GRIN2D: variants seen among roughly 807,000 people sequenced by gnomAD.
The protein encoded by GRIN2D is glutamate ionotropic receptor NMDA type subunit 2D, also known as glutamate receptor ionotropic, NMDA 2D.
In GRIN2D, 37 loss-of-function variants were observed where a neutral mutation model predicts 103.2. The ratio of observed to expected loss-of-function variants is 0.36; its 90% CI spans 0.28 to 0.47. The LOEUF is 0.47. Ranked by LOEUF, GRIN2D falls within the 20% of genes least tolerant of loss-of-function variation. The probability of loss-of-function intolerance (pLI) is 1.00; values close to 1 mark genes in which losing one functional copy is unlikely to be tolerated. For synonymous variants in GRIN2D, 845 were observed against 885.6 expected (o/e 0.95, Z 0.81); for missense variants, 1,557 against 1,910.6 (o/e 0.81, Z 3.45).
chr19:48,443,509 C>G lies in GRIN2D; in HGVS notation c.3583C>G (p.Leu1195Val). 7.4e-7 allele frequency: 1 copy of G among 1,350,250 alleles called. No homozygotes were observed. Among genetic ancestry groups the G allele is most frequent in the Non-Finnish European group, 9.5e-7 (1 of 1,051,578 alleles). The allele number at this position is 1,350,250 out of a possible 1,614,324, so 83.6% of individuals were successfully genotyped here. Reference sequence around the variant, plus strand: ...GGAGCTGCTGCCGCCGCCGCGCCATCTCAGCTGCTCGCACGATGGCCTGGA... The same window carrying G: ...GGAGCTGCTGCCGCCGCCGCGCCATGTCAGCTGCTCGCACGATGGCCTGGA... ...SLELLPPPRH[L>V]SCSHDGLDGG... The change falls in exon 14 of 14, where the codon CTC becomes GTC. Residue 1195 changes from leucine (L) to valine (V), a missense_variant. By Grantham distance (32) the Leu-to-Val change is conservative. Coordinates refer to ENST00000263269, the MANE Select transcript of GRIN2D (RefSeq NM_000836.4). This position sits in a 1 kb window ranked among gnomAD's most constrained non-coding sequence, Gnocchi z 8.9.
Position 48,414,685 on chromosome 19 carries a change from C to G in GRIN2D, c.1412+101C>G. 3.1e-6 allele frequency: 4 copies of G among 1,280,128 alleles called. No homozygotes were observed. The highest frequency in any genetic ancestry group is 4.3e-6 in the Non-Finnish European group (4 of 921,392). 79.3% of individuals were successfully genotyped at this position (1,280,128 alleles called of 1,614,324 possible). A position where few individuals can be genotyped will look rare whatever the true frequency, so the allele number is the denominator to read the frequency against. ...CCCTCCTCCCTTGGGACCCAGGACC[C>G]ACAAAGCCCTCCAGCTTGGTGACCT... On this transcript the variant is annotated intron_variant, in intron 6 of 13. Transcript: ENST00000263269. The surrounding 1 kb of genome is among the most constrained non-coding windows in gnomAD (Gnocchi z 4.6).
At chr19:48,422,752 G>A (rs894650137) in intron 11 of GRIN2D, among the ~76,000 whole-genome samples, 2 of 152,130 alleles carry the variant, frequency 1.3e-5, no homozygotes, top group Non-Finnish European at 2.9e-5. Context: ...TGCTTAGATT[G>A]TGTTTCTTAT....
intron 11 of GRIN2D, among the ~76,000 whole-genome samples, chr19:48,422,791 G>A (rs890907786): frequency 6.6e-6 from 1 of 151,934 alleles, no homozygotes; most frequent in Non-Finnish European, 1.5e-5. Flanking sequence ...CAAATCATAG[G>A]GATGAAGTTA....
chr19:48,405,073 G>A lies in GRIN2D; in HGVS notation c.805G>A (p.Gly269Ser). ...AAEEAGLTGSGYVWFMVGPQL... is the reference protein window; with the variant it reads ...AAEEAGLTGSSYVWFMVGPQL... ...TGAGGAGGCTGGCCTCACTGGATCTGGCTACGTCTGGTTCATGGTGGGGCC... is the reference window on the plus strand; with the variant it reads ...TGAGGAGGCTGGCCTCACTGGATCTAGCTACGTCTGGTTCATGGTGGGGCC... The change falls in exon 4 of 14, where the codon GGC becomes AGC. Residue 269 changes from glycine (G) to serine (S), a missense_variant. Coordinates refer to ENST00000263269, the MANE Select transcript of GRIN2D (RefSeq NM_000836.4). The surrounding 1 kb of genome is among the most constrained non-coding windows in gnomAD (Gnocchi z 5.1). 3.1e-6 allele frequency: 5 copies of A among 1,602,488 alleles called. No individual in the cohort carries two copies. Among genetic ancestry groups the A allele is most frequent in the Non-Finnish European group, 4.3e-6 (5 of 1,174,090 alleles).
chr19:48,424,664 AT>A (rs1600985553), intron 11 of GRIN2D, among the ~76,000 whole-genome samples: 1 of 152,042 alleles, frequency 6.6e-6, no homozygotes, highest in East Asian at 1.9e-4. Context: ...CGTTTACATA[AT>A]TTTTTTCCCC....
At position 48,394,867 on chromosome 19, in the gene GRIN2D, G is replaced by T. The variant is rs1203102198; in HGVS notation, c.-96G>T. ...TCTCTGAGCCCTCCTCGGAATCTTGGGGTCGCTGGACGCCGGGTTCCGGTC... is the reference window on the plus strand; with the variant it reads ...TCTCTGAGCCCTCCTCGGAATCTTGTGGTCGCTGGACGCCGGGTTCCGGTC... On this transcript the variant is annotated 5_prime_UTR_variant, in exon 2 of 14. Transcript: ENST00000263269. This position sits in a 1 kb window ranked among gnomAD's most constrained non-coding sequence, Gnocchi z 5.1. 1.3e-5 allele frequency: 2 copies of T among 153,430 alleles called. No individual in the cohort carries two copies. Among genetic ancestry groups the T allele is most frequent in the South Asian group, 2.0e-4 (1 of 5,056 alleles). 9.5% of individuals were successfully genotyped at this position (153,430 alleles called of 1,614,324 possible).
rs1389026863 is a variant in GRIN2D at position 48,414,811 on chromosome 19, GA to G, written c.1413-52del. 1 of 1,581,598 alleles carries G rather than the reference GA, an allele frequency of 6.3e-7. No homozygotes were observed. The highest frequency in any genetic ancestry group is 8.6e-7 in the Non-Finnish European group (1 of 1,157,236). ...CTTCCTCCATATCCTCTCTTCATGAGAGAGTCTAAGGAGGGGGTCCCCAAAC... is the reference window on the plus strand; with the variant it reads ...CTTCCTCCATATCCTCTCTTCATGAGGAGTCTAAGGAGGGGGTCCCCAAAC... On this transcript the variant is annotated intron_variant, in intron 6 of 13. Transcript: ENST00000263269. The surrounding 1 kb of genome is among the most constrained non-coding windows in gnomAD (Gnocchi z 4.6).
At position 48,399,453 on chromosome 19, in the gene GRIN2D, A is replaced by C. The variant is rs1273018160; in HGVS notation, c.465+596A>C. ...CGTTGTGGCGGGCGCCTGTAATCCC[A>C]ACTACTCGGGAGGGTGAGGCAAGAG... On this transcript the variant is annotated intron_variant, in intron 3 of 13. Coordinates refer to ENST00000263269, the MANE Select transcript of GRIN2D (RefSeq NM_000836.4). 2.0e-5 allele frequency among the ~76,000 whole-genome samples: 3 copies of C among 152,182 alleles called. No homozygotes were observed. In the East Asian group the frequency reaches 5.8e-4, roughly 29 times the overall value.
At position 48,405,284 on chromosome 19, in the gene GRIN2D, G is replaced by T; in HGVS notation, c.1016G>T (p.Gly339Val). 1.2e-6 allele frequency: 2 copies of T among 1,601,616 alleles called. No homozygotes were observed. The highest frequency in any genetic ancestry group is 1.7e-6 in the Non-Finnish European group (2 of 1,178,018). The change falls in exon 4 of 14, where the codon GGT becomes GTT. Residue 339 changes from glycine to valine, a missense_variant. Physicochemically the swap from Gly to Val is moderately radical, Grantham distance 109. This residue lies in a region of GRIN2D where 490 missense variants were observed against 601.1 expected (regional missense o/e 0.82). Transcript: ENST00000263269. The surrounding 1 kb of genome is among the most constrained non-coding windows in gnomAD (Gnocchi z 5.1). ...RGAQALLRDY[G>V]FLPELGHDCR... ...GCCCAGGCCCTGCTGCGTGATTATG[G>T]TTTCCTTCCTGAGCTCGGCCACGAC...
chr19:48,398,937 G>T, intron 3 of GRIN2D, 80 bp downstream of exon 3: 2 of 1,214,842 alleles, frequency 1.6e-6, no homozygotes, highest in Non-Finnish European at 2.1e-6. Context: ...CAGCCAGCGG[G>T]GGCGGGGCCT....
chr19:48,399,678 G>A (rs573304554), intron 3 of GRIN2D, among the ~76,000 whole-genome samples: 228 of 152,340 alleles, frequency 1.5e-3, no homozygotes, highest in African/African-American at 4.2e-3. Context: ...GTTTGGGGAG[G>A]CGTTCGGCCG....
chr19:48,422,062 T>A, intron 11 of GRIN2D, 117 bp downstream of exon 11: 1 of 1,024,990 alleles, frequency 9.8e-7, no homozygotes, highest in Non-Finnish European at 1.4e-6. Flanking sequence ...CCTGGGTGGG[T>A]CAGCTTGGAG....
intron 11 of GRIN2D, among the ~76,000 whole-genome samples, chr19:48,440,634 T>C (rs952537610): frequency 8.5e-5 from 13 of 152,110 alleles, no homozygotes; most frequent in African/African-American, 2.9e-4. Context: ...GATAGAACAA[T>C]GCTTGGCACA....
In GRIN2D at chr19:48,394,083, G is replaced by A. The variant is rs1314117504; in HGVS notation, c.-306+215G>A. Reference sequence around the variant, plus strand: ...GGTTCTGTGCCTCCTGCCTGCGTCCGGCCAGGCGTCTGGGCGTCCCCGGCT... The same window carrying A: ...GGTTCTGTGCCTCCTGCCTGCGTCCAGCCAGGCGTCTGGGCGTCCCCGGCT... On this transcript the variant is annotated intron_variant, in intron 1 of 13. Transcript: ENST00000263269. This position sits in a 1 kb window ranked among gnomAD's most constrained non-coding sequence, Gnocchi z 5.1. 1.3e-5 allele frequency among the ~76,000 whole-genome samples: 2 copies of A among 152,034 alleles called. No individual in the cohort carries two copies. Among genetic ancestry groups the A allele is most frequent in the African/African-American group, 2.4e-5 (1 of 41,388 alleles).
intron 10 of GRIN2D, 151 bp downstream of exon 10, chr19:48,419,965 C>A: frequency 1.7e-6 from 1 of 591,300 alleles, no homozygotes; most frequent in Non-Finnish European, 3.0e-6. Context: ...AAGGAGAATT[C>A]CAGAATGGTA....
intron 4 of GRIN2D, among the ~76,000 whole-genome samples, chr19:48,410,219 A>C (rs892848486): frequency 2.7e-5 from 4 of 150,124 alleles, no homozygotes; most frequent in Non-Finnish European, 5.9e-5. Flanking sequence ...AAGCAGATGA[A>C]GGCCACAGAA....
rs941935564 is a variant in GRIN2D at position 48,400,883 on chromosome 19, T to C, written c.465+2026T>C. ...GAGTTTGAGGCCAGCCTGGCCAACA[T>C]GGAGAAACCCCATCTCTGCTGAAAA... On this transcript the variant is annotated intron_variant, in intron 3 of 13. Coordinates refer to ENST00000263269, the MANE Select transcript of GRIN2D (RefSeq NM_000836.4). 4.6e-5 allele frequency among the ~76,000 whole-genome samples: 7 copies of C among 152,060 alleles called. 1 individual carries two copies. Among genetic ancestry groups the C allele is most frequent in the Non-Finnish European group, 8.8e-5 (6 of 67,998 alleles).
At chr19:48,402,723 C>CAAAAAA (rs773669453) in intron 3 of GRIN2D, among the ~76,000 whole-genome samples, 1 of 43,124 alleles carries the variant, frequency 2.3e-5, no homozygotes, top group African/African-American at 8.1e-5. Context: ...GACTCCGTCT[C>CAAAAAA]AAAAAAAAAA....
Position 48,443,047 on chromosome 19 carries a change from G to C in GRIN2D, c.3121G>C (p.Val1041Leu). Residue 1041 changes from valine to leucine, a missense_variant, in exon 14 of 14, where the codon GTC becomes CTC. This residue lies in a region of GRIN2D where 632 missense variants were observed against 572.8 expected (regional missense o/e 1.10). Transcript: ENST00000263269. The surrounding 1 kb of genome is among the most constrained non-coding windows in gnomAD (Gnocchi z 8.9). ...PAPPAAAATA[V>L]GPPLCRLAFE... ...GCCCCCCGCCGCCGCGGCCACCGCC[G>C]TCGGGCCGCCACTCTGCCGCTTGGC... 1 of 1,039,026 alleles carries C rather than the reference G, an allele frequency of 9.6e-7. No individual in the cohort carries two copies. The highest frequency in any genetic ancestry group is 1.2e-6 in the Non-Finnish European group (1 of 868,748). 64.4% of individuals were successfully genotyped at this position (1,039,026 alleles called of 1,614,324 possible). A position where few individuals can be genotyped will look rare whatever the true frequency, so the allele number is the denominator to read the frequency against.
Sources: gnomAD v4.1 joint callset for allele counts (sites outside exome capture counted in the v4.1 genomes callset) on GRCh38, gnomAD v4.1.1 for gene constraint, gnomAD v4.1.1 regional missense constraint, Gnocchi (gnomAD v3.1) non-coding constraint, MANE v1.5 for transcripts, NCBI Gene and HGNC (gene_info 2026-07-23, HGNC 2026-07-21) for gene names.